Variants in TUNAR observed in about 807,000 individuals in gnomAD.
TUNAR encodes the protein transmembrane neural differentiation associated intracellular calcium regulator, also known as protein TUNAR.
At chr14:95,910,561 G>C (rs937754060) in intron 2 of TUNAR, among the ~76,000 whole-genome samples, 5 of 152,250 alleles carry the variant, frequency 3.3e-5, no homozygotes, top group Non-Finnish European at 5.9e-5. Context: ...GGGAAGCACT[G>C]TAATTAATAC....
intron 2 of TUNAR, among the ~76,000 whole-genome samples, chr14:95,881,364 C>T (rs1888975002): frequency 6.6e-6 from 1 of 152,184 alleles, no homozygotes; most frequent in African/African-American, 2.4e-5. Context: ...ACATTCATCC[C>T]CCTGGGGTTC....
intron 2 of TUNAR, among the ~76,000 whole-genome samples, chr14:95,882,608 C>G (rs774977169): frequency 6.6e-6 from 1 of 152,154 alleles, no homozygotes; most frequent in Non-Finnish European, 1.5e-5. Flanking sequence ...ATTTTTGAAA[C>G]CTGACTCCCA....
chr14:95,919,400 G>A (rs1566793077), intron 2 of TUNAR, among the ~76,000 whole-genome samples: 2 of 152,366 alleles, frequency 1.3e-5, no homozygotes, highest in East Asian at 3.9e-4. Flanking sequence ...AGTGTTTACG[G>A]GGAAATGAAA....
chr14:95,913,952 C>T (rs1248202486), intron 2 of TUNAR, among the ~76,000 whole-genome samples: 2 of 152,202 alleles, frequency 1.3e-5, no homozygotes, highest in Non-Finnish European at 2.9e-5. Flanking sequence ...AGGATGATCT[C>T]GATCACTTGA....
At chr14:95,902,548 G>A (rs1889370815) in intron 2 of TUNAR, among the ~76,000 whole-genome samples, 1 of 152,216 alleles carries the variant, frequency 6.6e-6, no homozygotes, top group Non-Finnish European at 1.5e-5. Flanking sequence ...CAAGCCATTT[G>A]CTCAGCAAGA....
intron 2 of TUNAR, among the ~76,000 whole-genome samples, chr14:95,889,152 C>G (rs975828659): frequency 4.6e-5 from 7 of 152,178 alleles, no homozygotes; most frequent in African/African-American, 1.7e-4. Context: ...CCTCCCCTCC[C>G]CTGCTGTCCC....
At chr14:95,922,977 G>A in exon 3 of TUNAR, 1 of 399,092 alleles carries the variant, frequency 2.5e-6, no homozygotes, top group African/African-American at 2.1e-5. Context: ...ATGGCCCAGA[G>A]CGTCCTCAGA....
At chr14:95,903,207 C>T (rs1889382492) in intron 2 of TUNAR, among the ~76,000 whole-genome samples, 1 of 152,220 alleles carries the variant, frequency 6.6e-6, no homozygotes, top group Admixed American at 6.5e-5. Flanking sequence ...GCTGATTCCA[C>T]TTTGCCCATT....
At chr14:95,918,349 T>G (rs1451779306) in intron 2 of TUNAR, among the ~76,000 whole-genome samples, 1 of 152,256 alleles carries the variant, frequency 6.6e-6, no homozygotes, top group Non-Finnish European at 1.5e-5. Context: ...TTCCCATCTC[T>G]GTTATTGTTC....
intron 2 of TUNAR, among the ~76,000 whole-genome samples, chr14:95,919,320 C>G (rs529381780): frequency 1.6e-4 from 24 of 152,328 alleles, no homozygotes; most frequent in Admixed American, 7.2e-4. Flanking sequence ...ATAGGAAATG[C>G]ACGTGTGAAT....
chr14:95,893,337 C>A (rs1042885076), intron 2 of TUNAR, among the ~76,000 whole-genome samples: 2 of 152,156 alleles, frequency 1.3e-5, no homozygotes, highest in African/African-American at 4.8e-5. Context: ...CCTGGAGCAA[C>A]CTGACTGGGC....
chr14:95,911,517 C>T (rs1193352092), intron 2 of TUNAR, among the ~76,000 whole-genome samples: 1 of 152,222 alleles, frequency 6.6e-6, no homozygotes, highest in African/African-American at 2.4e-5. Context: ...GAGGTCTCTT[C>T]TTGGAAGGGA....
rs145039619 is a variant in TUNAR at position 95,899,343 on chromosome 14, C to G, written c.12+22166C>G. On this transcript the variant is annotated intron_variant, in intron 2 of 2. Transcript: ENST00000678517. The stretch of plus-strand genomic sequence containing the variant: ...ATCCCACAGCCCCCCACAAAAAGCT[C>G]AGACTTCTCCCTCTCAGAACAGGAG... Among the ~76,000 whole-genome samples the G allele has an allele frequency of 9.9e-3, 1,506 of 152,268 alleles. 15 individuals are homozygous for G. The highest frequency in any genetic ancestry group is 0.031 in the Middle Eastern group (9 of 294).
At chr14:95,904,506 T>C (rs1488956751) in intron 2 of TUNAR, among the ~76,000 whole-genome samples, 1 of 151,926 alleles carries the variant, frequency 6.6e-6, no homozygotes, top group African/African-American at 2.4e-5. Context: ...TCTCTCTGGG[T>C]GAGGGATAGG....
intron 2 of TUNAR, among the ~76,000 whole-genome samples, chr14:95,893,567 T>G: frequency 6.6e-6 from 1 of 150,722 alleles, no homozygotes; most frequent in East Asian, 2.0e-4. Flanking sequence ...AGACCATGGA[T>G]CCCCCCCACC....
rs1424389443 is a variant in TUNAR at position 95,895,973 on chromosome 14, T to A, written c.12+18796T>A. On this transcript the variant is annotated intron_variant, in intron 2 of 2. Coordinates refer to ENST00000678517, the Ensembl canonical transcript of TUNAR. This position sits in a 1 kb window ranked among gnomAD's most constrained non-coding sequence, Gnocchi z 4.5. ...GTTCCTTACAAAGCAACATGCTTTG[T>A]GCACCTCTCAAATCTTCAACACCTA... The A allele has an allele frequency of 6.6e-6, 1 of 152,230 alleles. No individual in the cohort carries two copies. The highest frequency in any genetic ancestry group is 1.5e-5 in the Non-Finnish European group (1 of 68,048). The allele number at this position is 152,230 out of a possible 1,614,324, so 9.4% of individuals were successfully genotyped here. A position where few individuals can be genotyped will look rare whatever the true frequency, so the allele number is the denominator to read the frequency against.
intron 2 of TUNAR, among the ~76,000 whole-genome samples, chr14:95,901,772 T>C (rs1281105017): frequency 6.6e-6 from 1 of 152,184 alleles, no homozygotes; most frequent in South Asian, 2.1e-4. Context: ...TAACATACTT[T>C]GGAGTAGGGA....
chr14:95,915,848 G>C (rs1889596542), intron 2 of TUNAR, among the ~76,000 whole-genome samples: 1 of 152,260 alleles, frequency 6.6e-6, no homozygotes, highest in East Asian at 1.9e-4. Flanking sequence ...AACTGTGCTT[G>C]AAAGTGAGTT....
chr14:95,879,616 T>A (rs1888945288), intron 2 of TUNAR, among the ~76,000 whole-genome samples: 1 of 152,230 alleles, frequency 6.6e-6, no homozygotes, highest in Admixed American at 6.5e-5. Flanking sequence ...TTCATTAGTT[T>A]TCTCATATTT....
Sources: gnomAD v4.1 joint callset for allele counts (sites outside exome capture counted in the v4.1 genomes callset) on GRCh38, gnomAD v4.1.1 for gene constraint, Gnocchi (gnomAD v3.1) non-coding constraint, MANE v1.5 for transcripts, NCBI Gene and HGNC (gene_info 2026-07-23, HGNC 2026-07-21) for gene names.